The following MIEF2 variants were observed in gnomAD, a reference collection of about 807,000 sequenced individuals.
MIEF2 encodes mitochondrial dynamics protein MID49.
In MIEF2, 1 loss-of-function variant was observed where a neutral mutation model predicts 7.4. The observed-to-expected ratio is 0.14, with a 90% CI of 0.05 to 0.64. MIEF2 has a LOEUF of 0.64. MIEF2 is among the 30% of genes least tolerant of loss of function. MIEF2 has a pLI of 0.85. For synonymous variants in MIEF2, 275 were observed against 290.5 expected (o/e 0.95, Z 0.54); for missense variants, 569 against 623.9 (o/e 0.91, Z 0.94).
rs796925090 is a variant in MIEF2, at chr17:18,262,670, C to A, written c.-7-44C>A. On this transcript the variant is annotated intron_variant, in intron 1 of 3. Coordinates refer to ENST00000323019, the MANE Select transcript of MIEF2 (RefSeq NM_139162.4). ...CACAGCAGCCCCTCTCCCAGCCTGG[C>A]CACCTGCACCTGAGCTGCCCCTTCA... 8 of 1,522,540 alleles carry A rather than the reference C, an allele frequency of 5.3e-6. No homozygotes were observed. The African/African-American group carries it at 1.1e-4, about 21-fold the overall frequency. The allele number at this position is 1,522,540 out of a possible 1,614,324, so 94.3% of individuals were successfully genotyped here.
Position 18,262,796 on chromosome 17 carries a change from G to A in MIEF2, c.76G>A (p.Ala26Thr), listed in dbSNP as rs867987268. ...GLGSMVDFLL[A>T]NARLVLGVGG... ...GGGCAGCATGGTGGACTTCCTCCTG[G>A]CCAATGCCCGCCTGGTGCTGGGCGT... The change falls in exon 2 of 4, where the codon GCC becomes ACC. Residue 26 changes from alanine to threonine, a missense_variant. Coordinates refer to ENST00000323019, the MANE Select transcript of MIEF2 (RefSeq NM_139162.4). 1 of 1,582,578 alleles carries A rather than the reference G, an allele frequency of 6.3e-7. No homozygotes were observed.
In MIEF2 at chr17:18,263,915, C is replaced by A; in HGVS notation, c.516C>A (p.Pro172=). The change falls in exon 4 of 4, where the codon CCC becomes CCA. Residue 172 remains proline (P), a synonymous_variant. Coordinates refer to ENST00000323019, the MANE Select transcript of MIEF2 (RefSeq NM_139162.4). The stretch of plus-strand genomic sequence containing the variant: ...TTCGGAGCAAGTTCCCGGAACTGCC[C>A]TTTGGGGCATTCGTGCCTGGGGGGC... ...AYFRSKFPEL[P]FGAFVPGGPL... is the part of the protein sequence containing the mutation. 6.3e-7 allele frequency: 1 copy of A among 1,599,914 alleles called. No individual in the cohort carries two copies.
intron 3 of MIEF2, 151 bp downstream of exon 3, chr17:18,263,399 C>T: frequency 8.6e-7 from 1 of 1,159,222 alleles, no homozygotes; most frequent in South Asian, 1.3e-5. Flanking sequence ...GTTTCTTTGC[C>T]CTGTTCCTGG....
At position 18,263,954 on chromosome 17, in the gene MIEF2, G is replaced by A. The variant is rs1424679654; in HGVS notation, c.555G>A (p.Gly185=). The change falls in exon 4 of 4, where the codon GGG becomes GGA. Residue 185 remains glycine (G), a synonymous_variant. Transcript: ENST00000323019. ...TGCCTGGGGGGCCGCTCTACGACGG[G>A]CTGCAGGCGGGGGCTGCGGACCATG... is the stretch of plus-strand genomic sequence containing the variant. ...AFVPGGPLYD[G]LQAGAADHVR... The A allele has an allele frequency of 6.3e-7, 1 of 1,588,078 alleles. No individual in the cohort carries two copies.
chr17:18,260,706 C>T lies in MIEF2; in HGVS notation c.-39C>T, dbSNP rs566796578. On this transcript the variant is annotated 5_prime_UTR_variant, in exon 1 of 4. Transcript: ENST00000323019. ...CTCCGGGGCCGTGGTCCCGCTGCCT[C>T]CTCCGGTCGTCGTGCGGAAGCTGCG... 70 of 205,496 alleles carry T rather than the reference C, an allele frequency of 3.4e-4. No individual in the cohort carries two copies. The highest frequency in any genetic ancestry group is 1.6e-3 in the African/African-American group (68 of 42,202). The allele number at this position is 205,496 out of a possible 1,614,324, so 12.7% of individuals were successfully genotyped here. A position where few individuals can be genotyped will look rare whatever the true frequency, so the allele number is the denominator to read the frequency against.
At position 18,263,231 on chromosome 17, in the gene MIEF2, C is replaced by T. The variant is rs1978520472; in HGVS notation, c.293C>T (p.Pro98Leu). The T allele has an allele frequency of 1.9e-6, 3 of 1,613,764 alleles. No individual in the cohort carries two copies. In the South Asian group the frequency reaches 3.3e-5, roughly 18 times the overall value. The part of the protein sequence containing the change: ...ALSQPVLPLA[P>L]SSSAPEGPAE... The stretch of plus-strand genomic sequence containing the variant: ...AGCCAGCCAGTGTTGCCCTTGGCCC[C>T]CTCGTCGTCTGCCCCAGGTGAGTGG... Residue 98 changes from proline to leucine, a missense_variant, in exon 3 of 4, where the codon CCC becomes CTC. Physicochemically the swap from Pro to Leu is moderately conservative, Grantham distance 98. Coordinates refer to ENST00000323019, the MANE Select transcript of MIEF2 (RefSeq NM_139162.4).
In MIEF2 at chr17:18,264,595, A is replaced by G. The variant is rs1423344960; in HGVS notation, c.1196A>G (p.Glu399Gly). 1 of 1,610,782 alleles carries G rather than the reference A, an allele frequency of 6.2e-7. No individual in the cohort carries two copies. The highest frequency in any genetic ancestry group is 8.5e-7 in the Non-Finnish European group (1 of 1,179,972). The change falls in exon 4 of 4, where the codon GAG (glutamate) becomes GGG (glycine). Residue 399 changes from glutamate (E) to glycine (G), a missense_variant. Glu to Gly is a moderately conservative substitution (Grantham distance 98). Transcript: ENST00000323019. ...GATTGGACGGAGGAGGCCTTGGGTG[A>G]GCGCTTCCTGCAAGCCCTGGAGCTG... ...NVDWTEEALG[E>G]RFLQALELLI...
rs147802429 is a variant in MIEF2, at chr17:18,264,552, C to T, written c.1153C>T (p.Leu385=). 4.2e-4 allele frequency: 677 copies of T among 1,610,666 alleles called. 1 individual carries two copies. The highest frequency in any genetic ancestry group is 5.1e-4 in the Non-Finnish European group (598 of 1,179,902). The change falls in exon 4 of 4, where the codon CTG becomes TTG. Residue 385 remains leucine, a synonymous_variant. Coordinates refer to ENST00000323019, the MANE Select transcript of MIEF2 (RefSeq NM_139162.4). ...RGHLTQVVLR[L]GEDNVDWTEE... ...TCACCTGACCCAGGTGGTCCTGCGT[C>T]TGGGGGAGGACAACGTGGATTGGAC...
intron 3 of MIEF2, 189 bp downstream of exon 3, chr17:18,263,437 G>A (rs1238245719): frequency 1.1e-6 from 1 of 943,600 alleles, no homozygotes; most frequent in Non-Finnish European, 1.7e-6. Context: ...GTGATGGTGG[G>A]GAGCTTTAGA....
chr17:18,262,966 G>A, intron 2 of MIEF2, 99 bp downstream of exon 2: 7 of 1,540,576 alleles, frequency 4.5e-6, no homozygotes, highest in Non-Finnish European at 6.1e-6. Context: ...GACTGCCCAA[G>A]GCCTTCATGG....
rs113412411 is a variant in MIEF2, at chr17:18,263,436, G to A, written c.310+188G>A. ...GCAAGGTGGTAGCGTTGTGATGGTG[G>A]GGAGCTTTAGATGGGGAAACTGAGG... On this transcript the variant is annotated intron_variant, in intron 3 of 3. Transcript: ENST00000323019. The A allele has an allele frequency of 8.1e-4, 760 of 942,698 alleles. 6 individuals are homozygous for A. In the African/African-American group the frequency reaches 9.5e-3, roughly 12 times the overall value. 58.4% of individuals were successfully genotyped at this position (942,698 alleles called of 1,614,324 possible). A position where few individuals can be genotyped will look rare whatever the true frequency, so the allele number is the denominator to read the frequency against.
At chr17:18,263,679 C>G in intron 3 of MIEF2, 31 bp from the exon 4 acceptor site, 1 of 1,524,512 alleles carries the variant, frequency 6.6e-7, no homozygotes, top group Non-Finnish European at 8.8e-7. Context: ...ACAGGCTGTT[C>G]CGACATGTTC....
chr17:18,262,852 C>T lies in MIEF2; in HGVS notation c.132C>T (p.Thr44=). Residue 44 remains threonine, a synonymous_variant, in exon 2 of 4, where the codon ACC becomes ACT. Coordinates refer to ENST00000323019, the MANE Select transcript of MIEF2 (RefSeq NM_139162.4). The stretch of plus-strand genomic sequence containing the variant: ...GGGCTGCTGTGCTGGGCATTGCCAC[C>T]CTGGCCGTGAAGCGGGTAAGGCCAA... ...VGGAAVLGIA[T]LAVKRFIDRA... 1.9e-6 allele frequency: 3 copies of T among 1,543,490 alleles called. No individual in the cohort carries two copies. The highest frequency in any genetic ancestry group is 2.3e-5 in the East Asian group (1 of 44,158).
At chr17:18,261,039 C>G (rs1978386428) in intron 1 of MIEF2, 4 of 1,480,422 alleles carry the variant, frequency 2.7e-6, no homozygotes, top group Admixed American at 2.0e-5. Flanking sequence ...TCCAGGGCCC[C>G]GCTGCGCAAA....
chr17:18,261,292 C>T (rs1475701949), intron 1 of MIEF2: 16 of 1,157,860 alleles, frequency 1.4e-5, no homozygotes, highest in Non-Finnish European at 1.6e-5. Flanking sequence ...GGCGGGTCAC[C>T]CGGTTGGCCT....
At chr17:18,262,118 G>A (rs1978447950) in intron 1 of MIEF2, among the ~76,000 whole-genome samples, 1 of 152,218 alleles carries the variant, frequency 6.6e-6, no homozygotes, top group South Asian at 2.1e-4. Flanking sequence ...GGGCTGCTGT[G>A]CCCTCTGGGT....
At position 18,264,242 on chromosome 17, in the gene MIEF2, C is replaced by T. The variant is rs1325252646; in HGVS notation, c.843C>T (p.Pro281=). The T allele has an allele frequency of 1.9e-6, 3 of 1,604,438 alleles. No homozygotes were observed. Among genetic ancestry groups the T allele is most frequent in the Non-Finnish European group, 2.5e-6 (3 of 1,179,738 alleles). The change falls in exon 4 of 4, where the codon CCC becomes CCT. Residue 281 remains proline (P), a synonymous_variant. Coordinates refer to ENST00000323019, the MANE Select transcript of MIEF2 (RefSeq NM_139162.4). Reference sequence around the variant, plus strand: ...GCCTTCTCGGGTGCCTGATCCGGCCCAGCATGGCCTCGGAGGAGCTGCTGC... The same window carrying T: ...GCCTTCTCGGGTGCCTGATCCGGCCTAGCATGGCCTCGGAGGAGCTGCTGC... The part of the protein sequence containing the change: ...IGSLLGCLIR[P]SMASEELLLE...
chr17:18,263,006 C>A (rs1597937947), intron 2 of MIEF2, 80 bp from the exon 3 acceptor site: 19 of 1,566,596 alleles, frequency 1.2e-5, no homozygotes, highest in Non-Finnish European at 1.6e-5. Context: ...CTCCACCCAG[C>A]ACGCTGGTCT....
chr17:18,263,328 C>T (rs1406286072), intron 3 of MIEF2, 80 bp downstream of exon 3: 3 of 1,561,014 alleles, frequency 1.9e-6, no homozygotes, highest in Non-Finnish European at 2.6e-6. Flanking sequence ...ACTGTGTGAC[C>T]CTGCGCGAGT....
Sources: allele counts gnomAD v4.1 joint callset (sites outside exome capture counted in the v4.1 genomes callset), GRCh38; gene constraint gnomAD v4.1.1; transcripts MANE v1.5; gene names NCBI Gene and HGNC (gene_info 2026-07-23, HGNC 2026-07-21).